PCDHGA1: variants seen among roughly 807,000 people sequenced by gnomAD.
PCDHGA1 encodes protocadherin gamma-A1.
PCDHGA1 carries 32 observed loss-of-function variants against 58.0 expected under a neutral mutation model. That is an observed-to-expected ratio of 0.55 (90% CI 0.42 to 0.74). The LOEUF is 0.74. Among genes scored for constraint, PCDHGA1 ranks in the 30% least tolerant of loss-of-function variants. PCDHGA1 has a pLI of 0.00. For missense variants in PCDHGA1, 1,205 were observed against 1,182.3 expected (o/e 1.02, Z -0.28); for synonymous variants, 498 against 501.1 (o/e 0.99, Z 0.08).
intron 1 of PCDHGA1, among the ~76,000 whole-genome samples, chr5:141,482,053 C>G (rs2099551080): frequency 6.6e-6 from 1 of 150,558 alleles, no homozygotes; most frequent in Non-Finnish European, 1.5e-5. Flanking sequence ...CTGTTGCATT[C>G]CAGCCTGGGC....
intron 1 of PCDHGA1, chr5:141,366,607 C>A: frequency 6.2e-7 from 1 of 1,614,268 alleles, no homozygotes; most frequent in Non-Finnish European, 8.5e-7. Context: ...AGGTCTCCCT[C>A]ACCGCGGACT....
intron 1 of PCDHGA1, chr5:141,393,310 C>A (rs775937552): frequency 1.2e-6 from 2 of 1,613,388 alleles, no homozygotes; most frequent in African/African-American, 2.7e-5. Flanking sequence ...GGCGTGAACT[C>A]CCTCCAGAGC....
chr5:141,478,137 G>A (rs762316494), intron 1 of PCDHGA1: 13 of 1,613,872 alleles, frequency 8.1e-6, no homozygotes, highest in African/African-American at 8.0e-5. Context: ...CCTGAAGCCC[G>A]AGCCGAGTTC....
At chr5:141,410,312 C>T (rs754522489) in intron 1 of PCDHGA1, 9 of 1,614,036 alleles carry the variant, frequency 5.6e-6, no homozygotes, top group South Asian at 3.3e-5. Context: ...AGTGCTCTTC[C>T]TCCTCGCCGT....
chr5:141,345,301 G>A, intron 1 of PCDHGA1: 1 of 1,613,946 alleles, frequency 6.2e-7, no homozygotes, highest in Non-Finnish European at 8.5e-7. Context: ...ATTAGTCTGA[G>A]AGCCTCAGAT....
chr5:141,362,466 G>A, intron 1 of PCDHGA1: 1 of 1,614,042 alleles, frequency 6.2e-7, no homozygotes, highest in Non-Finnish European at 8.5e-7. Flanking sequence ...TGGTTCCCGC[G>A]CAAGATCTCG....
At chr5:141,479,740 C>T (rs1434967266) in intron 1 of PCDHGA1, 1 of 152,168 alleles carries the variant, frequency 6.6e-6, no homozygotes, top group Non-Finnish European at 1.5e-5. Context: ...AGTATATGCA[C>T]AATGTGAAAG....
Position 141,417,842 on chromosome 5 carries a change from C to A in PCDHGA1, c.2422-76965C>A, listed in dbSNP as rs1247720013. 3 of 1,537,164 alleles carry A rather than the reference C, an allele frequency of 2.0e-6. No homozygotes were observed. The South Asian group carries it at 3.6e-5, about 19-fold the overall frequency. Reference sequence around the variant, plus strand: ...TCCAACTGGAAAAGCGGGGACCCAGCGAGAACCCGAGCGAACGATGGGAGG... The same window carrying A: ...TCCAACTGGAAAAGCGGGGACCCAGAGAGAACCCGAGCGAACGATGGGAGG... On this transcript the variant is annotated intron_variant, in intron 1 of 3. Transcript: ENST00000517417.
chr5:141,345,530 G>C (rs1757590501), intron 1 of PCDHGA1: 2 of 1,613,972 alleles, frequency 1.2e-6, no homozygotes, highest in Non-Finnish European at 1.7e-6. Flanking sequence ...TCCAGGGGGC[G>C]CCCCTGTCCT....
At chr5:141,399,798 G>A in intron 1 of PCDHGA1, 1 of 1,613,236 alleles carries the variant, frequency 6.2e-7, no homozygotes. Context: ...ACGCACCGCG[G>A]GTGCTGTACC....
At chr5:141,420,530 A>G (rs1038635436) in intron 1 of PCDHGA1, 9 of 336,858 alleles carry the variant, frequency 2.7e-5, no homozygotes, top group African/African-American at 6.4e-5. Flanking sequence ...CCTTTCGGTT[A>G]AAAATATAAA....
rs761227475 is a variant in PCDHGA1 at position 141,489,382 on chromosome 5, G to A, written c.2422-5425G>A. 4 of 1,613,872 alleles carry A rather than the reference G, an allele frequency of 2.5e-6. No homozygotes were observed. The highest frequency in any genetic ancestry group is 1.7e-5 in the Admixed American group (1 of 60,006). On this transcript the variant is annotated intron_variant, in intron 1 of 3. Coordinates refer to ENST00000517417, the MANE Select transcript of PCDHGA1 (RefSeq NM_018912.3). The surrounding 1 kb of genome is among the most constrained non-coding windows in gnomAD (Gnocchi z 4.5). ...TGAGCCGGGGACGCTGGTGGGGAATGTTGCTCAGGATCTGGGCTTAAAGAT... is the reference window on the plus strand; with the variant it reads ...TGAGCCGGGGACGCTGGTGGGGAATATTGCTCAGGATCTGGGCTTAAAGAT...
At chr5:141,355,379 C>A (rs771278815) in intron 1 of PCDHGA1, 5 of 1,613,900 alleles carry the variant, frequency 3.1e-6, no homozygotes, top group Non-Finnish European at 3.4e-6. Flanking sequence ...CGGGAGCTGG[C>A]GGAGCGCGGA....
At chr5:141,393,251 G>C in intron 1 of PCDHGA1, 1 of 1,613,814 alleles carries the variant, frequency 6.2e-7, no homozygotes, top group South Asian at 1.1e-5. Flanking sequence ...ACGAAATCGC[G>C]GTTCCTGGAG....
intron 1 of PCDHGA1, chr5:141,371,743 C>G: frequency 6.2e-7 from 1 of 1,614,054 alleles, no homozygotes; most frequent in South Asian, 1.1e-5. Flanking sequence ...GACAACGTTC[C>G]CGTTTTCCAC....
rs1321974739 is a variant in PCDHGA1, at chr5:141,432,755, G to A, written c.2422-62052G>A. The A allele has an allele frequency of 2.5e-6, 4 of 1,614,134 alleles. No individual in the cohort carries two copies. Among genetic ancestry groups the A allele is most frequent in the African/African-American group, 1.3e-5 (1 of 75,060 alleles). On this transcript the variant is annotated intron_variant, in intron 1 of 3. Coordinates refer to ENST00000517417, the MANE Select transcript of PCDHGA1 (RefSeq NM_018912.3). This position sits in a 1 kb window ranked among gnomAD's most constrained non-coding sequence, Gnocchi z 6.0. ...TGTCACGCTCACCGTGGCCGTGGCC[G>A]ACAGCATCCCCCAAGTCCTGGCGGA...
rs1298360174 is a variant in PCDHGA1 at position 141,330,803 on chromosome 5, A to G, written c.119A>G (p.Asp40Gly). Residue 40 changes from aspartate to glycine, a missense_variant, in exon 1 of 4, where the codon GAC becomes GGC. Coordinates refer to ENST00000517417, the MANE Select transcript of PCDHGA1 (RefSeq NM_018912.3). The part of the protein sequence containing the change: ...NIHYSVPEET[D>G]KGSFVGNIAK... ...CACTACTCAGTGCCGGAAGAGACAG[A>G]CAAAGGTTCCTTCGTAGGCAACATC... 1.2e-6 allele frequency: 2 copies of G among 1,614,100 alleles called. No homozygotes were observed. The highest frequency in any genetic ancestry group is 1.3e-5 in the African/African-American group (1 of 74,936).
chr5:141,421,051 A>G (rs1330155141), intron 1 of PCDHGA1: 8 of 559,830 alleles, frequency 1.4e-5, no homozygotes, highest in South Asian at 2.6e-5. Flanking sequence ...CCCCGCCTCT[A>G]CCACACAAAG....
At position 141,333,001 on chromosome 5, in the gene PCDHGA1, C is replaced by T. The variant is rs200655156; in HGVS notation, c.2317C>T (p.Pro773Ser). 2.4e-5 allele frequency: 39 copies of T among 1,614,080 alleles called. No homozygotes were observed. In the African/African-American group the frequency reaches 3.9e-4, roughly 16 times the overall value. ...SRKSHLIFPQ[P>S]NYADTLISQE... ...GAAGAGCCACCTGATTTTCCCCCAG[C>T]CCAACTATGCGGACACACTCATCAG... Residue 773 changes from proline (P) to serine (S), a missense_variant, in exon 1 of 4, where the codon CCC (proline) becomes TCC (serine). By Grantham distance (74) the Pro-to-Ser change is moderately conservative. Coordinates refer to ENST00000517417, the MANE Select transcript of PCDHGA1 (RefSeq NM_018912.3).
Sources: allele counts gnomAD v4.1 joint callset (sites outside exome capture counted in the v4.1 genomes callset), GRCh38; gene constraint gnomAD v4.1.1; non-coding constraint Gnocchi (gnomAD v3.1); transcripts MANE v1.5; gene names NCBI Gene and HGNC (gene_info 2026-07-23, HGNC 2026-07-21).